The following PPIL4 variants were observed in gnomAD, a reference collection of about 807,000 sequenced individuals.
PPIL4 encodes the protein peptidylprolyl isomerase like 4, also known as peptidyl-prolyl cis-trans isomerase-like 4.
PPIL4 carries 50 observed loss-of-function variants against 69.1 expected under a neutral mutation model. The observed-to-expected ratio is 0.72, with a 90% CI of 0.58 to 0.92. PPIL4 has a LOEUF of 0.92. Among genes scored for constraint, PPIL4 ranks in the 40% least tolerant of loss-of-function variants. The pLI is 0.00. For missense variants in PPIL4, 480 were observed against 587.9 expected (o/e 0.82, Z 1.90); for synonymous variants, 193 against 191.6 (o/e 1.01, Z -0.06).
chr6:149,520,573 ATGTG>A (rs200587769), intron 10 of PPIL4, among the ~76,000 whole-genome samples: 1 of 138,574 alleles, frequency 7.2e-6, no homozygotes, highest in African/African-American at 2.8e-5. Flanking sequence ...GCACACATGC[ATGTG>A]TGTGCACACA....
chr6:149,511,878 G>A lies in PPIL4; in HGVS notation c.1227+277C>T, dbSNP rs546155494. On this transcript the variant is annotated intron_variant, in intron 12 of 12. Transcript: ENST00000253329. ...GCACAACCACACTTGTTTCTGATGG[G>A]AATAAAGGAGTATCCACAGGTACGG... Among the ~76,000 whole-genome samples the A allele has an allele frequency of 2.6e-5, 4 of 152,270 alleles. No homozygotes were observed. The East Asian group carries it at 7.7e-4, about 29-fold the overall frequency.
intron 4 of PPIL4, among the ~76,000 whole-genome samples, chr6:149,538,126 CG>C (rs1777306902): frequency 6.6e-6 from 1 of 151,962 alleles, no homozygotes; most frequent in African/African-American, 2.4e-5. Flanking sequence ...ATCAGCCGGG[CG>C]TAGTGGTGCA....
intron 7 of PPIL4, among the ~76,000 whole-genome samples, chr6:149,527,331 G>A (rs997282266): frequency 3.3e-5 from 5 of 152,266 alleles, no homozygotes; most frequent in Admixed American, 6.5e-5. Context: ...CAGCCTGGGC[G>A]ACAGAGCAAG....
At chr6:149,506,991 T>C (rs1452575899) in intron 12 of PPIL4, among the ~76,000 whole-genome samples, 1 of 152,236 alleles carries the variant, frequency 6.6e-6, no homozygotes, top group Admixed American at 6.5e-5. Context: ...AATTGCTACA[T>C]TTAATTCTAC....
chr6:149,545,988 C>T lies in PPIL4; in HGVS notation c.18G>A (p.Glu6=). 1 of 1,585,046 alleles carries T rather than the reference C, an allele frequency of 6.3e-7. No homozygotes were observed. The highest frequency in any genetic ancestry group is 8.6e-7 in the Non-Finnish European group (1 of 1,162,932). The change falls in exon 1 of 13, where the codon GAG becomes GAA. Residue 6 remains glutamate (E), a synonymous_variant. Transcript: ENST00000253329. ...CGATGACGACGTCGCCTAAAGTGGT[C>T]TCCAGTAGAACCGCCATGGCGCCCG... MAVLL[E]TTLGDVVIDL...
intron 8 of PPIL4, 27 bp from the exon 9 acceptor site, chr6:149,525,236 T>TA (rs747605524): frequency 0.051 from 47,505 of 927,950 alleles, 33 homozygotes; most frequent in African/African-American, 0.057. Context: ...AAAAGTGACT[T>TA]AAAAAAAAAA....
chr6:149,529,734 G>A lies in PPIL4; in HGVS notation c.679-2958C>T, dbSNP rs553705334. On this transcript the variant is annotated intron_variant, in intron 7 of 12. Coordinates refer to ENST00000253329, the MANE Select transcript of PPIL4 (RefSeq NM_139126.4). Reference sequence around the variant, plus strand: ...GCCGAGATAATGCCACTGTACTCTAGCCTGACGACAAGAGCGAGACTCCGT... The same window carrying A: ...GCCGAGATAATGCCACTGTACTCTAACCTGACGACAAGAGCGAGACTCCGT... 7.3e-4 allele frequency among the ~76,000 whole-genome samples: 101 copies of A among 138,758 alleles called. 1 individual carries two copies. The highest frequency in any genetic ancestry group is 2.6e-3 in the African/African-American group (95 of 37,164). 91.0% of individuals were successfully genotyped at this position (138,758 alleles called of 152,430 possible). A position where few individuals can be genotyped will look rare whatever the true frequency, so the allele number is the denominator to read the frequency against.
Position 149,512,269 on chromosome 6 carries a change from G to C in PPIL4, c.1113C>G (p.Ala371=). The stretch of plus-strand genomic sequence containing the variant: ...GTGAGTGACTTGATTTTGAGTCTTC[G>C]GCCTGCTCATCTAATATAAGATCGT... ...TKYDLILDEQ[A]EDSKSSHSHT... Residue 371 remains alanine (A), a synonymous_variant, in exon 12 of 13, where the codon GCC becomes GCG. Coordinates refer to ENST00000253329, the MANE Select transcript of PPIL4 (RefSeq NM_139126.4). 6.2e-7 allele frequency: 1 copy of C among 1,612,600 alleles called. No homozygotes were observed. Among genetic ancestry groups the C allele is most frequent in the South Asian group, 1.1e-5 (1 of 91,022 alleles).
chr6:149,541,130 G>T, intron 3 of PPIL4, 71 bp from the exon 4 acceptor site: 2 of 780,824 alleles, frequency 2.6e-6, no homozygotes, highest in Non-Finnish European at 2.0e-6. Context: ...GTAACATACA[G>T]GGTTATCAAT....
At position 149,539,319 on chromosome 6, in the gene PPIL4, G is replaced by A. The variant is rs549359652; in HGVS notation, c.321+1623C>T. On this transcript the variant is annotated intron_variant, in intron 4 of 12. Coordinates refer to ENST00000253329, the MANE Select transcript of PPIL4 (RefSeq NM_139126.4). ...CTACTAAATGCTATCCAACAGCATC[G>A]TATGATACACAGAAATCTTTCATGA... is the stretch of plus-strand genomic sequence containing the variant. 1.4e-4 allele frequency among the ~76,000 whole-genome samples: 21 copies of A among 152,284 alleles called. No homozygotes were observed. The East Asian group carries it at 3.1e-3, about 22-fold the overall frequency.
chr6:149,540,628 T>A (rs1218432533), intron 4 of PPIL4, among the ~76,000 whole-genome samples: 3 of 151,970 alleles, frequency 2.0e-5, no homozygotes. Context: ...AAAAATAAAT[T>A]AATTAATTAA....
chr6:149,533,656 T>C lies in PPIL4; in HGVS notation c.562-82A>G, dbSNP rs992135156. 29 of 776,672 alleles carry C rather than the reference T, an allele frequency of 3.7e-5. No homozygotes were observed. The African/African-American group carries it at 4.9e-4, about 13-fold the overall frequency. 48.1% of individuals were successfully genotyped at this position (776,672 alleles called of 1,614,324 possible). A position where few individuals can be genotyped will look rare whatever the true frequency, so the allele number is the denominator to read the frequency against. On this transcript the variant is annotated intron_variant, in intron 6 of 12. Coordinates refer to ENST00000253329, the MANE Select transcript of PPIL4 (RefSeq NM_139126.4). The stretch of plus-strand genomic sequence containing the variant: ...CATAGAAGACATACTTTATTCTTAG[T>C]TATATCAAACATGCTAAAACAGTAA...
chr6:149,518,573 T>C (rs1471351722), intron 10 of PPIL4, among the ~76,000 whole-genome samples: 1 of 152,200 alleles, frequency 6.6e-6, no homozygotes, highest in African/African-American at 2.4e-5. Context: ...ATCAATCTAT[T>C]TGGCAATTCC....
chr6:149,534,205 CT>C (rs1583211137), intron 6 of PPIL4, among the ~76,000 whole-genome samples: 1 of 152,274 alleles, frequency 6.6e-6, no homozygotes, highest in East Asian at 1.9e-4. Context: ...CCAATTCTAA[CT>C]GCTGAATGAA....
At chr6:149,512,391 C>A in intron 11 of PPIL4, 89 bp from the exon 12 acceptor site, 1 of 867,940 alleles carries the variant, frequency 1.2e-6, no homozygotes, top group Non-Finnish European at 1.8e-6. Context: ...GGTCATAAGG[C>A]TAAAAGTAAC....
intron 11 of PPIL4, among the ~76,000 whole-genome samples, chr6:149,513,405 AAAAAAAAATATATATATATAT>A: frequency 9.5e-6 from 1 of 105,208 alleles, no homozygotes; most frequent in Non-Finnish European, 1.9e-5. Context: ...AAAAAAAAAA[AAAAAAAAATATATATATATAT>A]ATATATATAT....
chr6:149,505,778 T>G, intron 12 of PPIL4, 74 bp from the exon 13 acceptor site: 1 of 1,422,440 alleles, frequency 7.0e-7, no homozygotes, highest in Non-Finnish European at 9.6e-7. Context: ...TTAATAAAAC[T>G]TAGAAAAGTC....
intron 11 of PPIL4, among the ~76,000 whole-genome samples, chr6:149,513,341 C>A (rs1359327197): frequency 8.3e-6 from 1 of 120,966 alleles, no homozygotes; most frequent in Admixed American, 1.1e-4. Context: ...GCCGAGGTTG[C>A]ACTACTGCAC....
At chr6:149,531,257 C>G (rs948768184) in intron 7 of PPIL4, among the ~76,000 whole-genome samples, 2 of 150,348 alleles carry the variant, frequency 1.3e-5, no homozygotes, top group Admixed American at 6.7e-5. Context: ...CCCAGCTACT[C>G]GGGAGCCTGA....
Sources: allele counts gnomAD v4.1 joint callset (sites outside exome capture counted in the v4.1 genomes callset), GRCh38; gene constraint gnomAD v4.1.1; transcripts MANE v1.5; gene names NCBI Gene and HGNC (gene_info 2026-07-23, HGNC 2026-07-21).